The following PALM2AKAP2 variants were observed in gnomAD, a reference collection of about 807,000 sequenced individuals.
PALM2AKAP2 encodes PALM2 and AKAP2 fusion.
In PALM2AKAP2, 37 loss-of-function variants were observed where a neutral mutation model predicts 71.5. That is an observed-to-expected ratio of 0.52 (90% CI 0.40 to 0.68). The LOEUF is 0.68. Ranked by LOEUF, PALM2AKAP2 falls within the 30% of genes least tolerant of loss-of-function variation. The pLI is 0.00. For synonymous variants in PALM2AKAP2, 468 were observed against 478.8 expected, an observed-to-expected ratio of 0.98 and a Z score of 0.29; for missense variants, 1,224 against 1,191.8, an observed-to-expected ratio of 1.03 and a Z score of -0.40.
chr9:110,103,442 T>G (rs1326596412), intron 1 of PALM2AKAP2, among the ~76,000 whole-genome samples: 5 of 152,184 alleles, frequency 3.3e-5, no homozygotes, highest in Non-Finnish European at 7.4e-5. Context: ...TTCTTAGTGG[T>G]GGTGTTAAAT....
At chr9:109,661,607 A>T (rs1471735423) in intron 1 of PALM2AKAP2, among the ~76,000 whole-genome samples, 1 of 152,174 alleles carries the variant, frequency 6.6e-6, no homozygotes, top group Non-Finnish European at 1.5e-5. Context: ...TGATGCCTCC[A>T]GCTTTGTGCT....
chr9:109,709,052 G>C (rs1446958549), intron 1 of PALM2AKAP2, among the ~76,000 whole-genome samples: 20 of 152,146 alleles, frequency 1.3e-4, no homozygotes, highest in Admixed American at 1.3e-3. Flanking sequence ...GCCTGTCAAG[G>C]GGCTGAGCAG....
At chr9:109,819,895 G>A (rs1482501439) in intron 1 of PALM2AKAP2, among the ~76,000 whole-genome samples, 3 of 152,150 alleles carry the variant, frequency 2.0e-5, no homozygotes, top group Admixed American at 1.3e-4. Context: ...GTGAGAGCAT[G>A]AGCACAAAGA....
At chr9:109,830,925 A>G (rs900255713) in intron 1 of PALM2AKAP2, among the ~76,000 whole-genome samples, 1 of 152,074 alleles carries the variant, frequency 6.6e-6, no homozygotes, top group South Asian at 2.1e-4. Context: ...AAAATTGGCA[A>G]AAGGTAAACC....
intron 1 of PALM2AKAP2, among the ~76,000 whole-genome samples, chr9:110,056,772 A>C (rs1833850851): frequency 6.6e-6 from 1 of 152,208 alleles, no homozygotes; most frequent in African/African-American, 2.4e-5. Context: ...GATCAGTGTT[A>C]AATGCAGGGC....
At chr9:109,939,318 A>G (rs1394562813) in intron 6 of PALM2AKAP2, among the ~76,000 whole-genome samples, 5 of 152,232 alleles carry the variant, frequency 3.3e-5, no homozygotes, top group Admixed American at 2.6e-4. Context: ...AGAACAGGCA[A>G]AGATTAAAAT....
At chr9:109,834,645 C>A (rs1828405344) in intron 1 of PALM2AKAP2, among the ~76,000 whole-genome samples, 1 of 151,548 alleles carries the variant, frequency 6.6e-6, no homozygotes, top group Admixed American at 6.6e-5. Context: ...GAGCTCACCA[C>A]ACTGGGAAGT....
At chr9:109,704,000 G>C (rs1242435259) in intron 1 of PALM2AKAP2, among the ~76,000 whole-genome samples, 1 of 152,170 alleles carries the variant, frequency 6.6e-6, no homozygotes, top group Non-Finnish European at 1.5e-5. Context: ...CTTTTGAAAG[G>C]CTCCTTGGCC....
At chr9:109,733,546 T>C (rs1477793004) in intron 1 of PALM2AKAP2, among the ~76,000 whole-genome samples, 1 of 152,196 alleles carries the variant, frequency 6.6e-6, no homozygotes, top group Non-Finnish European at 1.5e-5. Flanking sequence ...CCGTAGTCCT[T>C]ACTTCGTTTT....
chr9:109,919,287 A>G (rs901457777), intron 3 of PALM2AKAP2, among the ~76,000 whole-genome samples: 11 of 152,214 alleles, frequency 7.2e-5, no homozygotes, highest in African/African-American at 1.9e-4. Context: ...CCCCTCTTTC[A>G]TGCCACAGCC....
At chr9:109,677,085 A>G (rs1468686850) in intron 1 of PALM2AKAP2, among the ~76,000 whole-genome samples, 1 of 152,226 alleles carries the variant, frequency 6.6e-6, no homozygotes, top group African/African-American at 2.4e-5. Flanking sequence ...AGTAGCTAGA[A>G]GGTTATGCAG....
In PALM2AKAP2 at chr9:109,856,255, T is replaced by C. The variant is rs1036096627; in HGVS notation, c.46-11236T>C. ...GAACATAGAGGAAGATTCATTGCAG[T>C]CCCGTCTATAATTGCAAACAAAGCA... On this transcript the variant is annotated intron_variant, in intron 1 of 9. Coordinates refer to the PALM2AKAP2 transcript ENST00000302798. 1.6e-4 allele frequency among the ~76,000 whole-genome samples: 24 copies of C among 152,330 alleles called. No individual in the cohort carries two copies. In the East Asian group the frequency reaches 4.2e-3, roughly 27 times the overall value.
intron 1 of PALM2AKAP2, among the ~76,000 whole-genome samples, chr9:109,861,700 A>G (rs1829314784): frequency 6.6e-6 from 1 of 152,134 alleles, no homozygotes; most frequent in African/African-American, 2.4e-5. Flanking sequence ...TCCCCAGAAT[A>G]AGCTTTCCAT....
intron 6 of PALM2AKAP2, among the ~76,000 whole-genome samples, chr9:110,001,859 G>A (rs985676814): frequency 3.3e-5 from 5 of 151,824 alleles, no homozygotes; most frequent in African/African-American, 1.2e-4. Flanking sequence ...TTTGCACATT[G>A]ATTTTGTATC....
chr9:109,651,142 A>G (rs1827220117), intron 1 of PALM2AKAP2, among the ~76,000 whole-genome samples: 1 of 151,630 alleles, frequency 6.6e-6, no homozygotes, highest in Admixed American at 6.6e-5. Context: ...TGCCTCTCTT[A>G]CTCTTTGACT....
chr9:110,137,889 C>G, exon 2 of PALM2AKAP2: 1 of 1,614,206 alleles, frequency 6.2e-7, no homozygotes, highest in Non-Finnish European at 8.5e-7. Context: ...GGTTTCTATT[C>G]CCCTTCCTCC....
chr9:109,879,543 T>TAC (rs780064002), intron 2 of PALM2AKAP2, among the ~76,000 whole-genome samples: 11 of 152,226 alleles, frequency 7.2e-5, no homozygotes, highest in Non-Finnish European at 1.5e-4. Context: ...CTCTCCTTGC[T>TAC]CTTCCTTTTA....
At chr9:109,771,112 G>C (rs1283941068) in intron 1 of PALM2AKAP2, among the ~76,000 whole-genome samples, 1 of 152,188 alleles carries the variant, frequency 6.6e-6, no homozygotes, top group Non-Finnish European at 1.5e-5. Context: ...CAATTAATCT[G>C]ACAAGAGCTC....
At chr9:110,120,291 G>A (rs1333388047) in intron 1 of PALM2AKAP2, among the ~76,000 whole-genome samples, 1 of 152,164 alleles carries the variant, frequency 6.6e-6, no homozygotes, top group Admixed American at 6.5e-5. Context: ...CATGCCTGAG[G>A]CAGACAGCAG....
Sources: gnomAD v4.1 joint callset for allele counts (sites outside exome capture counted in the v4.1 genomes callset) on GRCh38, gnomAD v4.1.1 for gene constraint, MANE v1.5 for transcripts, NCBI Gene and HGNC (gene_info 2026-07-23, HGNC 2026-07-21) for gene names.